Variants in SCLY observed in about 807,000 individuals in gnomAD.
SCLY encodes putative selenocysteine lyase.
A neutral mutation model predicts 50.1 loss-of-function variants in SCLY; 38 were observed. That is an observed-to-expected ratio of 0.76 (90% confidence interval 0.59 to 0.99). The LOEUF is 0.99. Among genes scored for constraint, SCLY ranks in the 50% least tolerant of loss-of-function variants. The probability of loss-of-function intolerance (pLI) is 0.00; values close to 1 mark genes in which losing one functional copy is unlikely to be tolerated. For missense variants in SCLY, 600 were observed against 620.0 expected (o/e 0.97, Z 0.34); for synonymous variants, 243 against 249.4 (o/e 0.97, Z 0.24).
chr2:238,098,592 G>T lies in SCLY; in HGVS notation c.*237G>T. On this transcript the variant is annotated 3_prime_UTR_variant, in exon 12 of 12. Coordinates refer to ENST00000254663, the MANE Select transcript of SCLY (RefSeq NM_016510.7). ...CTGCCCACATGGGACCGCCCACATA[G>T]GACCGCCCACATAGGACCGCCCACA... 2.4e-6 allele frequency: 1 copy of T among 423,492 alleles called. No individual in the cohort carries two copies. The highest frequency in any genetic ancestry group is 4.1e-6 in the Non-Finnish European group (1 of 245,824). The allele number at this position is 423,492 out of a possible 1,614,324, so 26.2% of individuals were successfully genotyped here. A position where few individuals can be genotyped will look rare whatever the true frequency, so the allele number is the denominator to read the frequency against.
intron 4 of SCLY, among the ~76,000 whole-genome samples, chr2:238,076,401 T>C (rs2065174391): frequency 6.6e-6 from 1 of 152,220 alleles, no homozygotes; most frequent in Non-Finnish European, 1.5e-5. Flanking sequence ...CGTTTTTTCT[T>C]TTTTAATGTA....
Position 238,066,240 on chromosome 2 carries a change from C to T in SCLY, c.202+1771C>T, listed in dbSNP as rs377253104. Among the ~76,000 whole-genome samples the T allele has an allele frequency of 1.6e-4, 25 of 152,342 alleles. No homozygotes were observed. The highest frequency in any genetic ancestry group is 5.3e-4 in the African/African-American group (22 of 41,564). On this transcript the variant is annotated intron_variant, in intron 2 of 11. Transcript: ENST00000254663. This position sits in a 1 kb window ranked among gnomAD's most constrained non-coding sequence, Gnocchi z 4.1. ...GAAGATAGCTGGCGCTCATACCTCC[C>T]CGTCCAGCCCACTGCAGTCACATCA...
At position 238,069,532 on chromosome 2, in the gene SCLY, C is replaced by T. The variant is rs544959238; in HGVS notation, c.484+55C>T. The T allele has an allele frequency of 3.5e-5, 53 of 1,493,340 alleles. No individual in the cohort carries two copies. Among genetic ancestry groups the T allele is most frequent in the African/African-American group, 5.6e-5 (4 of 70,830 alleles). 92.5% of individuals were successfully genotyped at this position (1,493,340 alleles called of 1,614,324 possible). ...AGCCTGCTGAGCTCCAGCTGCGAGG[C>T]GGGAAGTGGCCTGCGAGCAGAGCCC... On this transcript the variant is annotated intron_variant, in intron 4 of 11. Transcript: ENST00000254663. The surrounding 1 kb of genome is among the most constrained non-coding windows in gnomAD (Gnocchi z 5.0).
intron 4 of SCLY, among the ~76,000 whole-genome samples, chr2:238,070,910 C>T (rs1184713166): frequency 2.6e-5 from 4 of 151,774 alleles, no homozygotes; most frequent in African/African-American, 9.7e-5. Context: ...CAGTTCACTG[C>T]AGCCCCTGCC....
chr2:238,091,345 T>C, intron 8 of SCLY, 91 bp downstream of exon 8: 1 of 1,036,880 alleles, frequency 9.6e-7, no homozygotes, highest in South Asian at 1.3e-5. Flanking sequence ...TTTAGGGAGA[T>C]CATATTCGTG....
chr2:238,093,833 C>CAAGA, intron 8 of SCLY, 28 bp from the exon 9 acceptor site: 2 of 1,583,620 alleles, frequency 1.3e-6, no homozygotes, highest in Non-Finnish European at 1.7e-6. Context: ...AAGAATTGTG[C>CAAGA]ATCCACTTGT....
At chr2:238,080,192 T>C (rs1304999121) in intron 4 of SCLY, 1 of 148,542 alleles carries the variant, frequency 6.7e-6, no homozygotes, top group Non-Finnish European at 1.5e-5. Context: ...ATTGTCATCA[T>C]ACTTTTCTTT....
intron 4 of SCLY, chr2:238,079,922 T>C (rs1423859928): frequency 6.6e-6 from 1 of 152,248 alleles, no homozygotes; most frequent in Non-Finnish European, 1.5e-5. Flanking sequence ...TTTCCCTATT[T>C]GGTGCCTTAT....
At chr2:238,070,728 C>T (rs1460445921) in intron 4 of SCLY, among the ~76,000 whole-genome samples, 1 of 151,960 alleles carries the variant, frequency 6.6e-6, no homozygotes, top group East Asian at 1.9e-4. Flanking sequence ...AATGCTTGCC[C>T]GTAGGTAAAC....
intron 1 of SCLY, chr2:238,061,421 C>A: frequency 1.6e-6 from 1 of 606,484 alleles, no homozygotes. Context: ...CAGAGCCTGC[C>A]AGGAAGAGGG....
chr2:238,081,872 A>T (rs2065241291), intron 5 of SCLY, 36 bp downstream of exon 5: 4 of 1,606,262 alleles, frequency 2.5e-6, no homozygotes, highest in Non-Finnish European at 3.4e-6. Flanking sequence ...AGGAGAGCTC[A>T]TGGGGAAGAA....
intron 8 of SCLY, 158 bp downstream of exon 8, chr2:238,091,412 G>A (rs1386754577): frequency 2.8e-6 from 2 of 719,556 alleles, no homozygotes; most frequent in Admixed American, 2.2e-5. Flanking sequence ...AACCTGGAGA[G>A]CTGTACTTTT....
rs970934017 is a variant in SCLY, at chr2:238,067,605, G to A, written c.203-460G>A. ...TTTGTAGCCCAGGTACCCTGTGGGC[G>A]ACATGCAAAATGAGATATGGCACTG... On this transcript the variant is annotated intron_variant, in intron 2 of 11. Transcript: ENST00000254663. The surrounding 1 kb of genome is among the most constrained non-coding windows in gnomAD (Gnocchi z 4.3). 2.0e-5 allele frequency among the ~76,000 whole-genome samples: 3 copies of A among 152,224 alleles called. No homozygotes were observed. Among genetic ancestry groups the A allele is most frequent in the Admixed American group, 6.5e-5 (1 of 15,284 alleles).
rs59238768 is a variant in SCLY, at chr2:238,079,068, C to CTTTTTT, written c.485-2620_485-2615dup. 2.0e-3 allele frequency: 183 copies of CTTTTTT among 93,190 alleles called. 1 individual carries two copies. Among genetic ancestry groups the CTTTTTT allele is most frequent in the Non-Finnish European group, 2.8e-3 (142 of 50,230 alleles). 5.8% of individuals were successfully genotyped at this position (93,190 alleles called of 1,614,324 possible). On this transcript the variant is annotated intron_variant, in intron 4 of 11. Coordinates refer to ENST00000254663, the MANE Select transcript of SCLY (RefSeq NM_016510.7). ...CTTCTTTCTTTCTTTCTTTCTTTTT[C>CTTTTTT]TTTTTTTTTTTTTTTTTTTTTTTTT...
At chr2:238,082,364 A>G in intron 6 of SCLY, 155 bp downstream of exon 6, 1 of 722,204 alleles carries the variant, frequency 1.4e-6, no homozygotes, top group Non-Finnish European at 2.2e-6. Flanking sequence ...GAGCTTTAAG[A>G]GGGGAGCCCC....
At chr2:238,074,690 T>C (rs1332255967) in intron 4 of SCLY, among the ~76,000 whole-genome samples, 1 of 151,740 alleles carries the variant, frequency 6.6e-6, no homozygotes, top group East Asian at 1.9e-4. Context: ...ACCATGTTGG[T>C]CAGGCTGGTC....
intron 7 of SCLY, among the ~76,000 whole-genome samples, chr2:238,089,281 G>T (rs1468124578): frequency 6.6e-6 from 1 of 152,164 alleles, no homozygotes; most frequent in East Asian, 1.9e-4. Context: ...CGTGTTCATA[G>T]ATTGGAAGAT....
intron 1 of SCLY, 113 bp downstream of exon 1, chr2:238,061,256 G>A (rs1346618604): frequency 1.7e-5 from 14 of 824,118 alleles, no homozygotes; most frequent in African/African-American, 1.2e-4. Flanking sequence ...GGGGCGTCCC[G>A]CGCGGGGATG....
At chr2:238,092,437 T>C (rs1191309778) in intron 8 of SCLY, 1 of 152,250 alleles carries the variant, frequency 6.6e-6, no homozygotes, top group African/African-American at 2.4e-5. Flanking sequence ...ACCTGAGTGA[T>C]GAAGTAGTGG....
Sources: allele counts gnomAD v4.1 joint callset (sites outside exome capture counted in the v4.1 genomes callset), GRCh38; gene constraint gnomAD v4.1.1; non-coding constraint Gnocchi (gnomAD v3.1); transcripts MANE v1.5; gene names NCBI Gene and HGNC (gene_info 2026-07-23, HGNC 2026-07-21).